The following SMAP2 variants were observed in gnomAD, a reference collection of about 807,000 sequenced individuals.
The protein encoded by SMAP2 is small ArfGAP2.
SMAP2 carries 25 observed loss-of-function variants against 56.4 expected under a neutral mutation model. The observed-to-expected ratio is 0.44, with a 90% CI of 0.32 to 0.62. SMAP2 has a LOEUF of 0.62. Ranked by LOEUF, SMAP2 falls within the 20% of genes least tolerant of loss-of-function variation. The probability of loss-of-function intolerance (pLI) is 0.04; values close to 1 mark genes in which losing one functional copy is unlikely to be tolerated. For synonymous variants in SMAP2, 157 were observed against 181.7 expected (o/e 0.86, Z 1.09); for missense variants, 388 against 545.6 (o/e 0.71, Z 2.88).
chr1:40,354,064 A>C (rs1336963412), intron 1 of SMAP2, among the ~76,000 whole-genome samples: 1 of 151,826 alleles, frequency 6.6e-6, no homozygotes, highest in Non-Finnish European at 1.5e-5. Flanking sequence ...AATGTAAACC[A>C]CTCCCTTGCC....
chr1:40,352,683 T>C (rs1292916897), intron 1 of SMAP2, among the ~76,000 whole-genome samples: 8 of 151,440 alleles, frequency 5.3e-5, no homozygotes, highest in Non-Finnish European at 8.8e-5. Flanking sequence ...CAAGCCACCA[T>C]TCTCTGCTAA....
At position 40,417,256 on chromosome 1, in the gene SMAP2, G is replaced by T. The variant is rs547014041; in HGVS notation, c.1164+160G>T. On this transcript the variant is annotated intron_variant, in intron 9 of 9. Transcript: ENST00000372718. Reference sequence around the variant, plus strand: ...TTTTTTTTTTTTTTTTTCCTAGAAGGTCTGTCTAAAGTCAGACTTTCTGAG... The same window carrying T: ...TTTTTTTTTTTTTTTTTCCTAGAAGTTCTGTCTAAAGTCAGACTTTCTGAG... Among the ~76,000 whole-genome samples the T allele has an allele frequency of 1.7e-4, 25 of 146,408 alleles. No homozygotes were observed. In the South Asian group the frequency reaches 5.1e-3, roughly 30 times the overall value.
chr1:40,380,081 A>G (rs893071249), intron 1 of SMAP2, among the ~76,000 whole-genome samples: 5 of 152,208 alleles, frequency 3.3e-5, no homozygotes, highest in African/African-American at 1.2e-4. Flanking sequence ...GTGTTACACA[A>G]ATGTCTGCAT....
intron 2 of SMAP2, chr1:40,362,563 C>T (rs1414968487): frequency 6.6e-6 from 1 of 152,110 alleles, no homozygotes; most frequent in Non-Finnish European, 1.5e-5. Context: ...TCCTGGCTTC[C>T]AGTGCTACTG....
intron 1 of SMAP2, among the ~76,000 whole-genome samples, chr1:40,379,449 T>A (rs72948142): frequency 9.9e-5 from 15 of 152,084 alleles, no homozygotes; most frequent in Admixed American, 9.8e-4. Context: ...TCCATGCACA[T>A]TGAGGAGTGC....
chr1:40,375,301 G>A (rs929492934), intron 1 of SMAP2, among the ~76,000 whole-genome samples: 7 of 152,178 alleles, frequency 4.6e-5, no homozygotes, highest in Admixed American at 4.6e-4. Context: ...TGTTCATAAT[G>A]CAGTGGATTT....
In SMAP2 at chr1:40,422,545, A is replaced by G. The variant is rs1489372152; in HGVS notation, c.*444A>G. 3 of 163,842 alleles carry G rather than the reference A, an allele frequency of 1.8e-5. No homozygotes were observed. Among genetic ancestry groups the G allele is most frequent in the Admixed American group, 1.1e-4 (2 of 17,392 alleles). The allele number at this position is 163,842 out of a possible 1,614,324, so 10.1% of individuals were successfully genotyped here. ...TTCTAAGTGTTTAAATTTGAAAAGC[A>G]TCATGTTCTCATGATTTATGGGAAT... On this transcript the variant is annotated 3_prime_UTR_variant, in exon 10 of 10. Transcript: ENST00000372718.
chr1:40,356,786 G>A (rs934702907), intron 1 of SMAP2, among the ~76,000 whole-genome samples: 1 of 152,184 alleles, frequency 6.6e-6, no homozygotes, highest in Non-Finnish European at 1.5e-5. Flanking sequence ...CAACAACAGT[G>A]TACGAGGGTT....
intron 1 of SMAP2, among the ~76,000 whole-genome samples, chr1:40,387,292 T>C (rs188660144): frequency 2.6e-4 from 39 of 152,370 alleles, no homozygotes; most frequent in Non-Finnish European, 4.6e-4. Context: ...TATCCCAGCA[T>C]TGGAATATGT....
intron 1 of SMAP2, among the ~76,000 whole-genome samples, chr1:40,391,197 G>A (rs1644712324): frequency 6.6e-6 from 1 of 152,206 alleles, no homozygotes; most frequent in Admixed American, 6.5e-5. Context: ...TGGTCTAGAG[G>A]AACAAAGATG....
At chr1:40,351,488 G>A (rs1264034496) in intron 1 of SMAP2, among the ~76,000 whole-genome samples, 1 of 152,016 alleles carries the variant, frequency 6.6e-6, no homozygotes, top group African/African-American at 2.4e-5. Flanking sequence ...TTAAAGAAAT[G>A]ATTCTTTCAT....
intron 9 of SMAP2, among the ~76,000 whole-genome samples, chr1:40,418,048 A>T (rs1645006812): frequency 6.6e-6 from 1 of 152,228 alleles, no homozygotes; most frequent in South Asian, 2.1e-4. Context: ...ATTCTCCCTC[A>T]AAAAACAGTC....
intron 1 of SMAP2, among the ~76,000 whole-genome samples, chr1:40,360,550 G>A (rs997200991): frequency 6.6e-6 from 1 of 152,058 alleles, no homozygotes; most frequent in Non-Finnish European, 1.5e-5. Context: ...TCATCCACCT[G>A]CCTCGGCCTC....
Position 40,376,862 on chromosome 1 carries a change from A to G in SMAP2, c.103+2639A>G, listed in dbSNP as rs571910683. On this transcript the variant is annotated intron_variant, in intron 1 of 9. Coordinates refer to ENST00000372718, the MANE Select transcript of SMAP2 (RefSeq NM_022733.3). The stretch of plus-strand genomic sequence containing the variant: ...TATCCAGTTAGATGATGTGGCATAG[A>G]CTATCGACCTATGAGCAGGTATTTT... Among the ~76,000 whole-genome samples the G allele has an allele frequency of 4.6e-5, 7 of 152,346 alleles. No individual in the cohort carries two copies. The East Asian group carries it at 1.3e-3, about 29-fold the overall frequency.
chr1:40,358,646 T>C (rs535270402), intron 1 of SMAP2, among the ~76,000 whole-genome samples: 131 of 152,326 alleles, frequency 8.6e-4, no homozygotes, highest in African/African-American at 3.0e-3. Flanking sequence ...TGGCCTAACA[T>C]ATACTCTATC....
intron 1 of SMAP2, among the ~76,000 whole-genome samples, chr1:40,396,599 TGGAAAG>T (rs1297215925): frequency 6.6e-6 from 1 of 152,234 alleles, no homozygotes; most frequent in African/African-American, 2.4e-5. Flanking sequence ...ATGGCCCAGA[TGGAAAG>T]GGACTTGTCT....
intron 1 of SMAP2, among the ~76,000 whole-genome samples, chr1:40,351,228 A>G (rs1644407747): frequency 6.6e-6 from 1 of 152,126 alleles, no homozygotes; most frequent in South Asian, 2.1e-4. Context: ...AGCAGGGCTG[A>G]GAGGTTATTG....
chr1:40,355,704 C>T (rs1466265476), intron 1 of SMAP2, among the ~76,000 whole-genome samples: 1 of 152,108 alleles, frequency 6.6e-6, no homozygotes, highest in Non-Finnish European at 1.5e-5. Context: ...CTCACTTCAG[C>T]CTTGACCTCC....
At chr1:40,409,937 C>T in intron 4 of SMAP2, 102 bp downstream of exon 4, 1 of 797,326 alleles carries the variant, frequency 1.3e-6, no homozygotes, top group Non-Finnish European at 2.1e-6. Flanking sequence ...ACTCCAAAAC[C>T]ATCTTTTAAA....
Sources: gnomAD v4.1 joint callset for allele counts (sites outside exome capture counted in the v4.1 genomes callset) on GRCh38, gnomAD v4.1.1 for gene constraint, MANE v1.5 for transcripts, NCBI Gene and HGNC (gene_info 2026-07-23, HGNC 2026-07-21) for gene names.